CFAP20: variants seen among roughly 807,000 people sequenced by gnomAD.
CFAP20 encodes cilia and flagella associated protein 20.
Under a neutral mutation model 25.5 loss-of-function variants are expected in CFAP20, and 14 were observed. The ratio of observed to expected loss-of-function variants is 0.55; its 90% CI spans 0.36 to 0.86. The LOEUF (loss-of-function observed/expected upper bound fraction) is 0.86. Among genes scored for constraint, CFAP20 ranks in the 40% least tolerant of loss-of-function variants. The pLI is 0.01. For missense variants in CFAP20, 181 were observed against 248.0 expected (o/e 0.73, Z 1.81); for synonymous variants, 75 against 91.1 (o/e 0.82, Z 1.01).
chr16:58,115,079 G>A, intron 4 of CFAP20, 159 bp from the exon 5 acceptor site: 1 of 975,480 alleles, frequency 1.0e-6, no homozygotes, highest in South Asian at 1.5e-5. Context: ...GGTCTTACTT[G>A]CTGTATTCAC....
At chr16:58,115,754 A>G (rs903538480) in intron 3 of CFAP20, 3 of 525,254 alleles carry the variant, frequency 5.7e-6, no homozygotes, top group African/African-American at 5.7e-5. Context: ...ATACTAAAAC[A>G]GAACAGCCAC....
intron 1 of CFAP20, among the ~76,000 whole-genome samples, chr16:58,122,802 G>A (rs1449554390): frequency 2.0e-5 from 3 of 152,266 alleles, no homozygotes; most frequent in Non-Finnish European, 4.4e-5. Flanking sequence ...TCTGAAGAGA[G>A]ACTTTATTTT....
intron 2 of CFAP20, 135 bp downstream of exon 2, chr16:58,116,737 G>T: frequency 1.4e-6 from 1 of 702,680 alleles, no homozygotes; most frequent in Non-Finnish European, 2.4e-6. Context: ...TCAGTAACTT[G>T]CCCATGGTAA....
intron 1 of CFAP20, among the ~76,000 whole-genome samples, chr16:58,124,802 ATTTAT>A (rs1438727476): frequency 6.6e-6 from 1 of 152,166 alleles, no homozygotes; most frequent in East Asian, 1.9e-4. Context: ...GCTACAATAC[ATTTAT>A]TTTATTTAGT....
intron 1 of CFAP20, among the ~76,000 whole-genome samples, chr16:58,118,333 G>A (rs1457192084): frequency 1.3e-5 from 2 of 151,744 alleles, no homozygotes; most frequent in Non-Finnish European, 2.9e-5. Context: ...TTAGCCAGGT[G>A]TGGTGGCGTG....
Position 58,114,873 on chromosome 16 carries a change from G to C in CFAP20, c.513C>G (p.Leu171=). 1 of 1,614,152 alleles carries C rather than the reference G, an allele frequency of 6.2e-7. No individual in the cohort carries two copies. Among genetic ancestry groups the C allele is most frequent in the Non-Finnish European group, 8.5e-7 (1 of 1,180,010 alleles). The change falls in exon 5 of 6, where the codon CTC becomes CTG. Residue 171 remains leucine (L), a synonymous_variant. Transcript: ENST00000262498. The part of the protein sequence containing the change: ...RIRRVYFSDR[L]YSEDELPAEF... ...CTGCCGGCAGCTCATCTTCTGAGTA[G>C]AGTCTGTCTGAGAAGTAAACCCGTC...
At chr16:58,115,769 T>C in intron 3 of CFAP20, 2 of 518,240 alleles carry the variant, frequency 3.9e-6, no homozygotes, top group South Asian at 2.4e-5. Context: ...AGCCACCCAC[T>C]ATTAAATAAT....
At chr16:58,122,662 T>C (rs935176115) in intron 1 of CFAP20, among the ~76,000 whole-genome samples, 4 of 152,158 alleles carry the variant, frequency 2.6e-5, no homozygotes, top group Admixed American at 2.6e-4. Context: ...TGAAGAACAT[T>C]CTCCAAGTCA....
In CFAP20 at chr16:58,114,255, C is replaced by T. The variant is rs185589376; in HGVS notation, c.577-225G>A. ...TTAAGAGTTAAGATGGGGCTGGGCA[C>T]GGTGGCTCACGCCTGTAATCCCAGC... On this transcript the variant is annotated intron_variant, in intron 5 of 5. Coordinates refer to ENST00000262498, the MANE Select transcript of CFAP20 (RefSeq NM_013242.3). Among the ~76,000 whole-genome samples, 233 of 152,258 alleles carry T rather than the reference C, an allele frequency of 1.5e-3. 1 individual carries two copies. The highest frequency in any genetic ancestry group is 2.3e-3 in the Non-Finnish European group (158 of 68,022).
rs77457068 is a variant in CFAP20, at chr16:58,114,770, C to T, written c.576+40G>A. On this transcript the variant is annotated intron_variant, in intron 5 of 5. Coordinates refer to ENST00000262498, the MANE Select transcript of CFAP20 (RefSeq NM_013242.3). ...CACCTTCCAGGAACACAGCTCCCCC[C>T]ACTCACTGGTGGACCTTCCTCTGGG... 2,155 of 1,500,128 alleles carry T rather than the reference C, an allele frequency of 1.4e-3. 20 individuals are homozygous for T. The African/African-American group carries it at 0.024, about 17-fold the overall frequency. 92.9% of individuals were successfully genotyped at this position (1,500,128 alleles called of 1,614,324 possible).
rs764092647 is a variant in CFAP20, at chr16:58,115,394, C to T, written c.340G>A (p.Val114Ile). The change falls in exon 4 of 6, where the codon GTC (valine) becomes ATC (isoleucine). Residue 114 changes from valine (V) to isoleucine (I), a missense_variant. By Grantham distance (29) the Val-to-Ile change is conservative (BLOSUM62 3). Transcript: ENST00000262498. ...GGCATGGTGCAGATGAAGGGTTTGA[C>T]CCGGGTGGTGCTCTGGTAGTTACTT... The part of the protein sequence containing the change: ...RASNYQSTTR[V>I]KPFICTMPMR... 1 of 1,614,230 alleles carries T rather than the reference C, an allele frequency of 6.2e-7. No homozygotes were observed. Among genetic ancestry groups the T allele is most frequent in the East Asian group, 2.2e-5 (1 of 44,888 alleles).
At chr16:58,128,510 C>T (rs1393352604) in intron 1 of CFAP20, among the ~76,000 whole-genome samples, 2 of 152,166 alleles carry the variant, frequency 1.3e-5, no homozygotes, top group African/African-American at 2.4e-5. Context: ...GTCTTTCTGT[C>T]TGCTCCTCTG....
chr16:58,122,048 T>C (rs1316808598), intron 1 of CFAP20, among the ~76,000 whole-genome samples: 1 of 152,176 alleles, frequency 6.6e-6, no homozygotes, highest in Non-Finnish European at 1.5e-5. Context: ...GTTCCTGCAC[T>C]GGGTTAAGGG....
rs115911101 is a variant in CFAP20 at position 58,116,306 on chromosome 16, G to A, written c.165-154C>T. Among the ~76,000 whole-genome samples, 745 of 152,258 alleles carry A rather than the reference G, an allele frequency of 4.9e-3. 9 individuals carry two copies. The highest frequency in any genetic ancestry group is 0.017 in the African/African-American group (717 of 41,522). On this transcript the variant is annotated intron_variant, in intron 2 of 5. Coordinates refer to ENST00000262498, the MANE Select transcript of CFAP20 (RefSeq NM_013242.3). Reference sequence around the variant, plus strand: ...GTGAATCCCTCAGCCCTAAGTCAGCGGCTGCTTTAACAAACGCTGGACCCA... The same window carrying A: ...GTGAATCCCTCAGCCCTAAGTCAGCAGCTGCTTTAACAAACGCTGGACCCA...
rs1484871515 is a variant in CFAP20, at chr16:58,129,337, C to T, written c.-222G>A. 2 of 535,456 alleles carry T rather than the reference C, an allele frequency of 3.7e-6. No individual in the cohort carries two copies. Among genetic ancestry groups the T allele is most frequent in the African/African-American group, 3.8e-5 (2 of 52,392 alleles). 33.2% of individuals were successfully genotyped at this position (535,456 alleles called of 1,614,324 possible). On this transcript the variant is annotated 5_prime_UTR_variant, in exon 1 of 6. Coordinates refer to ENST00000262498, the MANE Select transcript of CFAP20 (RefSeq NM_013242.3). ...CTAAGCTGCGAGCTCAGAACGGAAA[C>T]CACAGCAACTACCGTCCGCGCCGCG...
In CFAP20 at chr16:58,121,702, A is replaced by G. The variant is rs539766990; in HGVS notation, c.85-4751T>C. ...AAAGCTTCAGGCCAGTCTTACAATCACTCTCCCAGGCTTTCCATGGTTGCT... is the reference window on the plus strand; with the variant it reads ...AAAGCTTCAGGCCAGTCTTACAATCGCTCTCCCAGGCTTTCCATGGTTGCT... On this transcript the variant is annotated intron_variant, in intron 1 of 5. Transcript: ENST00000262498. 1.6e-3 allele frequency among the ~76,000 whole-genome samples: 240 copies of G among 151,000 alleles called. 2 individuals carry two copies. The highest frequency in any genetic ancestry group is 5.0e-3 in the African/African-American group (204 of 41,010).
chr16:58,116,213 C>A, intron 2 of CFAP20, 61 bp from the exon 3 acceptor site: 1 of 1,211,172 alleles, frequency 8.3e-7, no homozygotes, highest in Non-Finnish European at 1.2e-6. Context: ...GTGGTATGCA[C>A]AACAATAACA....
chr16:58,123,222 T>C (rs931247088), intron 1 of CFAP20, among the ~76,000 whole-genome samples: 5 of 150,750 alleles, frequency 3.3e-5, no homozygotes, highest in African/African-American at 1.2e-4. Context: ...CTTGAACTCC[T>C]GACCTCAGCT....
chr16:58,115,050 T>C, intron 4 of CFAP20, 130 bp from the exon 5 acceptor site: 1 of 1,007,674 alleles, frequency 9.9e-7, no homozygotes, highest in Non-Finnish European at 1.5e-6. Flanking sequence ...GTCTTAGGGA[T>C]GGATTCTGGC....
Sources: allele counts gnomAD v4.1 joint callset (sites outside exome capture counted in the v4.1 genomes callset), GRCh38; gene constraint gnomAD v4.1.1; transcripts MANE v1.5; gene names NCBI Gene and HGNC (gene_info 2026-07-23, HGNC 2026-07-21).